Variants in CCDC138 observed in about 807,000 individuals in gnomAD.
CCDC138 encodes coiled-coil domain-containing protein 138.
CCDC138 carries 66 observed loss-of-function variants against 82.3 expected under a neutral mutation model. The ratio of observed to expected loss-of-function variants is 0.80; its 90% confidence interval spans 0.66 to 0.98. The LOEUF (loss-of-function observed/expected upper bound fraction) is 0.98. CCDC138 is among the 50% of genes least tolerant of loss of function. The probability of loss-of-function intolerance (pLI) is 0.00; values close to 1 mark genes in which losing one functional copy is unlikely to be tolerated. For synonymous variants in CCDC138, 297 were observed against 265.4 expected, an observed-to-expected ratio of 1.12 and a Z score of -1.16; for missense variants, 816 against 758.9, an observed-to-expected ratio of 1.08 and a Z score of -0.88.
chr2:108,814,914 G>A (rs911403653), intron 9 of CCDC138, among the ~76,000 whole-genome samples: 1 of 151,762 alleles, frequency 6.6e-6, no homozygotes. Flanking sequence ...GGGATTATAG[G>A]CATGAGCCAC....
intron 10 of CCDC138, among the ~76,000 whole-genome samples, chr2:108,837,111 C>T (rs1479855495): frequency 6.6e-6 from 1 of 152,078 alleles, no homozygotes; most frequent in African/African-American, 2.4e-5. Context: ...GTGTGCTTGT[C>T]TTGTTCCTGA....
intron 10 of CCDC138, among the ~76,000 whole-genome samples, chr2:108,832,369 C>CA (rs1687849629): frequency 8.3e-6 from 1 of 120,980 alleles, no homozygotes; most frequent in African/African-American, 3.2e-5. Flanking sequence ...TTTTTTGAGA[C>CA]AGAGTTTCAC....
chr2:108,849,239 A>G (rs909102341), intron 12 of CCDC138, among the ~76,000 whole-genome samples: 2 of 152,194 alleles, frequency 1.3e-5, no homozygotes, highest in African/African-American at 4.8e-5. Flanking sequence ...ACAAAATCAT[A>G]TATTCTAATA....
At chr2:108,807,343 A>G (rs554051739) in intron 7 of CCDC138, among the ~76,000 whole-genome samples, 4 of 152,330 alleles carry the variant, frequency 2.6e-5, no homozygotes, top group Non-Finnish European at 2.9e-5. Flanking sequence ...AAATACATCA[A>G]TTGAATTTAA....
chr2:108,794,264 A>T (rs548462375), intron 4 of CCDC138, among the ~76,000 whole-genome samples: 1 of 152,258 alleles, frequency 6.6e-6, no homozygotes, highest in South Asian at 2.1e-4. Flanking sequence ...TTTCTTGGCA[A>T]TTAGTGTCTT....
At chr2:108,854,098 A>G (rs1307321291) in intron 12 of CCDC138, among the ~76,000 whole-genome samples, 2 of 134,514 alleles carry the variant, frequency 1.5e-5, no homozygotes, top group Non-Finnish European at 3.1e-5. Flanking sequence ...TATATTATAT[A>G]TATAATAAAT....
intron 12 of CCDC138, among the ~76,000 whole-genome samples, chr2:108,850,567 T>A (rs927900047): frequency 6.6e-6 from 1 of 152,166 alleles, no homozygotes; most frequent in Admixed American, 6.5e-5. Flanking sequence ...TTCTCCTGCC[T>A]CAGCCTCCTG....
chr2:108,872,533 T>C (rs1477972196), intron 13 of CCDC138, among the ~76,000 whole-genome samples: 1 of 152,158 alleles, frequency 6.6e-6, no homozygotes, highest in Non-Finnish European at 1.5e-5. Flanking sequence ...GCAGAATACC[T>C]GAGACTGGGT....
At chr2:108,796,086 G>A (rs1573936117) in intron 5 of CCDC138, among the ~76,000 whole-genome samples, 1 of 152,088 alleles carries the variant, frequency 6.6e-6, no homozygotes, top group Admixed American at 6.5e-5. Context: ...GTCTCACTCT[G>A]TGCCCAGGCT....
At chr2:108,840,486 A>G (rs1689266633) in intron 11 of CCDC138, among the ~76,000 whole-genome samples, 1 of 152,174 alleles carries the variant, frequency 6.6e-6, no homozygotes, top group South Asian at 2.1e-4. Context: ...GTTTTAAATT[A>G]TGAATTTAAG....
intron 12 of CCDC138, among the ~76,000 whole-genome samples, chr2:108,847,307 CT>C (rs1436564209): frequency 1.3e-5 from 2 of 152,180 alleles, no homozygotes; most frequent in Non-Finnish European, 1.5e-5. Context: ...ATGAAGTTTT[CT>C]CCCACAACCA....
At chr2:108,857,824 A>G (rs890183713) in intron 13 of CCDC138, among the ~76,000 whole-genome samples, 1 of 152,334 alleles carries the variant, frequency 6.6e-6, no homozygotes, top group African/African-American at 2.4e-5. Context: ...AATGAGAAAA[A>G]CAAAAATCAT....
intron 12 of CCDC138, among the ~76,000 whole-genome samples, chr2:108,851,462 C>T (rs1691482239): frequency 6.6e-6 from 1 of 152,076 alleles, no homozygotes; most frequent in South Asian, 2.1e-4. Flanking sequence ...CCACCATGCC[C>T]AGCTAATTTT....
chr2:108,819,621 CA>C (rs1224246139), intron 10 of CCDC138, among the ~76,000 whole-genome samples: 1 of 152,154 alleles, frequency 6.6e-6, no homozygotes, highest in Non-Finnish European at 1.5e-5. Flanking sequence ...CATAGAAGCC[CA>C]GAGAAGACAC....
chr2:108,797,707 A>G lies in CCDC138; in HGVS notation c.577-721A>G, dbSNP rs192236087. On this transcript the variant is annotated intron_variant, in intron 5 of 14. Coordinates refer to ENST00000295124, the MANE Select transcript of CCDC138 (RefSeq NM_144978.3). ...CATGTATATATGTATTTTATGAGAA[A>G]GAGATTGATGTTTTCTTATGCTGTC... Among the ~76,000 whole-genome samples the G allele has an allele frequency of 2.0e-5, 3 of 152,284 alleles. No individual in the cohort carries two copies. The East Asian group carries it at 5.8e-4, about 29-fold the overall frequency.
chr2:108,884,588 T>C (rs1376847401), intron 2 of CCDC138: 1 of 152,234 alleles, frequency 6.6e-6, no homozygotes, highest in African/African-American at 2.4e-5. Flanking sequence ...GTATTTCATG[T>C]AGGAACCTGT....
At chr2:108,864,979 A>G (rs1694198663) in intron 13 of CCDC138, among the ~76,000 whole-genome samples, 1 of 151,986 alleles carries the variant, frequency 6.6e-6, no homozygotes, top group African/African-American at 2.4e-5. Context: ...ATAAATAGTA[A>G]CACATTCACA....
At chr2:108,811,245 C>CTTTTTTTTTTTTTTTTTTTTTTTTTTTTT (rs144518921) in intron 7 of CCDC138, among the ~76,000 whole-genome samples, 1 of 109,628 alleles carries the variant, frequency 9.1e-6, no homozygotes, top group Non-Finnish European at 1.7e-5. Flanking sequence ...CTTTCTCTCT[C>CTTTTTTTTTTTTTTTTTTTTTTTTTTTTT]TCTTTTTTTT....
chr2:108,851,677 G>A (rs908442732), intron 12 of CCDC138, among the ~76,000 whole-genome samples: 2 of 152,150 alleles, frequency 1.3e-5, no homozygotes, highest in Admixed American at 1.3e-4. Flanking sequence ...GACTCTCTCT[G>A]GGGAGGATGT....
Sources: allele counts gnomAD v4.1 joint callset (sites outside exome capture counted in the v4.1 genomes callset), GRCh38; gene constraint gnomAD v4.1.1; transcripts MANE v1.5; gene names NCBI Gene and HGNC (gene_info 2026-07-23, HGNC 2026-07-21).